PIWIL3: variants seen among roughly 807,000 people sequenced by gnomAD.
PIWIL3 encodes the protein piwi-like protein 3.
In PIWIL3, 101 loss-of-function variants were observed where a neutral mutation model predicts 109.7. That is an observed-to-expected ratio of 0.92 (90% CI 0.78 to 1.09). The LOEUF is 1.09. Among genes scored for constraint, PIWIL3 ranks in the 50% least tolerant of loss-of-function variants. The pLI is 0.00. For synonymous variants in PIWIL3, 373 were observed against 376.4 expected, an observed-to-expected ratio of 0.99 and a Z score of 0.10; for missense variants, 1,031 against 1,072.6, an observed-to-expected ratio of 0.96 and a Z score of 0.54.
intron 14 of PIWIL3, among the ~76,000 whole-genome samples, chr22:24,729,713 T>C (rs1213108357): frequency 2.0e-5 from 3 of 152,252 alleles, no homozygotes; most frequent in Non-Finnish European, 2.9e-5. Flanking sequence ...TCTTATTCTA[T>C]ACTGTTTTTC....
intron 14 of PIWIL3, among the ~76,000 whole-genome samples, chr22:24,732,998 A>G (rs1056869616): frequency 6.6e-6 from 1 of 152,214 alleles, no homozygotes; most frequent in African/African-American, 2.4e-5. Flanking sequence ...AGAGGGGGCC[A>G]GGAAAGAATA....
rs1043284328 is a variant in PIWIL3, at chr22:24,749,741, T to C, written c.1168A>G (p.Thr390Ala). Residue 390 changes from threonine to alanine, a missense_variant, in exon 10 of 21, where the codon ACA becomes GCA. Physicochemically the swap from Thr to Ala is moderately conservative, Grantham distance 58. Transcript: ENST00000616349. The part of the protein sequence containing the change: ...QGRWKKGLTG[T>A]QREPILLIPQ... Reference sequence around the variant, plus strand: ...ATCAGCAGGATAGGTTCACGTTGTGTACCCGTTAGGCCCTTTTTCCATCTG... The same window carrying C: ...ATCAGCAGGATAGGTTCACGTTGTGCACCCGTTAGGCCCTTTTTCCATCTG... 1 of 1,613,690 alleles carries C rather than the reference T, an allele frequency of 6.2e-7. No homozygotes were observed. Among genetic ancestry groups the C allele is most frequent in the Non-Finnish European group, 8.5e-7 (1 of 1,179,902 alleles).
At chr22:24,771,056 C>T (rs891068123) in intron 1 of PIWIL3, among the ~76,000 whole-genome samples, 1 of 152,024 alleles carries the variant, frequency 6.6e-6, no homozygotes, top group African/African-American at 2.4e-5. Context: ...ACCACCCCTG[C>T]GTGCTCCCCA....
chr22:24,725,033 G>A lies in PIWIL3; in HGVS notation c.2085C>T (p.Ala695=). The change falls in exon 18 of 21, where the codon GCC becomes GCT. Residue 695 remains alanine (A), a synonymous_variant. Transcript: ENST00000616349. ...ATTCGTTTTTACACCAGACATCCAG[G>A]GCAGCTAAGAGGAAATCAGAAAAAG... The part of the protein sequence containing the change: ...VKELEICLKA[A]LDVWCKNESS... 6.2e-7 allele frequency: 1 copy of A among 1,614,014 alleles called. No individual in the cohort carries two copies. Among genetic ancestry groups the A allele is most frequent in the Non-Finnish European group, 8.5e-7 (1 of 1,179,964 alleles).
chr22:24,751,406 T>C lies in PIWIL3; in HGVS notation c.1070A>G (p.Tyr357Cys), dbSNP rs1337790325. 1 of 1,613,754 alleles carries C rather than the reference T, an allele frequency of 6.2e-7. No homozygotes were observed. Among genetic ancestry groups the C allele is most frequent in the Non-Finnish European group, 8.5e-7 (1 of 1,179,926 alleles). Reference sequence around the variant, plus strand: ...TCATACCTGCCTGTAGTAGTCTATATAGGTGATTTTGCTGCCATCTGATTT... The same window carrying C: ...TCATACCTGCCTGTAGTAGTCTATACAGGTGATTTTGCTGCCATCTGATTT... ...FNKSDGSKITYIDYYRQQHKE... is the reference protein window; with the variant it reads ...FNKSDGSKITCIDYYRQQHKE... Residue 357 changes from tyrosine (Y) to cysteine (C), a missense_variant, in exon 9 of 21, where the codon TAT becomes TGT. Transcript: ENST00000616349.
In PIWIL3 at chr22:24,762,470, T is replaced by G. The variant is rs775980190; in HGVS notation, c.30A>C (p.Arg10=). The G allele has an allele frequency of 6.2e-7, 1 of 1,613,882 alleles. No individual in the cohort carries two copies. Among genetic ancestry groups the G allele is most frequent in the East Asian group, 2.2e-5 (1 of 44,872 alleles). ...AGCTCTCCCTGCGGCGGGCTCTGCC[T>G]CGGGCGCGAGTCCTTGCCCTACCAG... MPGRARTRA[R]GRARRRESYQ... The change falls in exon 2 of 21, where the codon CGA becomes CGC. Residue 10 remains arginine, a synonymous_variant. Coordinates refer to ENST00000616349, the MANE Select transcript of PIWIL3 (RefSeq NM_001255975.1).
intron 12 of PIWIL3, among the ~76,000 whole-genome samples, chr22:24,747,389 A>G (rs1924435438): frequency 6.6e-6 from 1 of 152,166 alleles, no homozygotes; most frequent in African/African-American, 2.4e-5. Context: ...CCAGGACATT[A>G]GAGTGAGCAA....
chr22:24,748,165 A>G (rs1246033263), intron 12 of PIWIL3, among the ~76,000 whole-genome samples: 1 of 152,182 alleles, frequency 6.6e-6, no homozygotes, highest in East Asian at 1.9e-4. Flanking sequence ...TGTTAAATGA[A>G]ATTAGCCAGG....
At chr22:24,757,098 A>AAAAAAAAAAG (rs1555912998) in intron 4 of PIWIL3, among the ~76,000 whole-genome samples, 1 of 146,442 alleles carries the variant, frequency 6.8e-6, no homozygotes, top group African/African-American at 2.6e-5. Context: ...AAAAAAAAAA[A>AAAAAAAAAAG]AAAAGAAAAG....
At chr22:24,722,815 A>T (rs951888288) in intron 19 of PIWIL3, among the ~76,000 whole-genome samples, 3 of 152,196 alleles carry the variant, frequency 2.0e-5, no homozygotes, top group Non-Finnish European at 4.4e-5. Flanking sequence ...ATGACTCCAA[A>T]TTGTCAATAT....
At position 24,724,922 on chromosome 22, in the gene PIWIL3, C is replaced by T. The variant is rs1484559457; in HGVS notation, c.2196G>A (p.Lys732=). 1 of 1,614,098 alleles carries T rather than the reference C, an allele frequency of 6.2e-7. No individual in the cohort carries two copies. The highest frequency in any genetic ancestry group is 1.1e-5 in the South Asian group (1 of 91,076). The change falls in exon 18 of 21, where the codon AAG becomes AAA. Residue 732 remains lysine (K), a synonymous_variant. Coordinates refer to ENST00000616349, the MANE Select transcript of PIWIL3 (RefSeq NM_001255975.1). ...LQALLDHEAK[K]MSTYLKTISP... ...AGATGGTTTTTAAGTAGGTCGACATCTTTTTCGCTTCATGGTCAAGCAATG... is the reference window on the plus strand; with the variant it reads ...AGATGGTTTTTAAGTAGGTCGACATTTTTTTCGCTTCATGGTCAAGCAATG...
At chr22:24,724,261 T>C (rs1009320529) in intron 18 of PIWIL3, among the ~76,000 whole-genome samples, 3 of 151,218 alleles carry the variant, frequency 2.0e-5, no homozygotes, top group Non-Finnish European at 4.4e-5. Context: ...TTTTTTTTTT[T>C]CAAAGACTAA....
chr22:24,767,015 C>T (rs1040363708), intron 1 of PIWIL3, among the ~76,000 whole-genome samples: 11 of 151,876 alleles, frequency 7.2e-5, no homozygotes, highest in African/African-American at 2.4e-4. Flanking sequence ...CACCTGTAGT[C>T]CCTGGTGCTT....
At chr22:24,745,717 G>GAAAAAAAAAAAAAAAAAAAAAAAAA (rs71189273) in intron 12 of PIWIL3, among the ~76,000 whole-genome samples, 4 of 80,244 alleles carry the variant, frequency 5.0e-5, no homozygotes, top group Admixed American at 1.4e-4. Flanking sequence ...GTCAGACTAA[G>GAAAAAAAAAAAAAAAAAAAAAAAAA]AAAAAAAAAA....
intron 19 of PIWIL3, among the ~76,000 whole-genome samples, chr22:24,722,318 G>A (rs1222636054): frequency 3.3e-5 from 5 of 152,208 alleles, no homozygotes; most frequent in African/African-American, 4.8e-5. Context: ...TCTGGACCTC[G>A]TGATCTGCCC....
chr22:24,733,956 T>C (rs1923501505), intron 14 of PIWIL3, 128 bp downstream of exon 14: 2 of 912,246 alleles, frequency 2.2e-6, no homozygotes, highest in Non-Finnish European at 3.1e-6. Flanking sequence ...ATTCAGCTAA[T>C]AGCAGGTTAA....
chr22:24,739,734 A>C (rs1286688288), intron 12 of PIWIL3, among the ~76,000 whole-genome samples: 2 of 152,156 alleles, frequency 1.3e-5, no homozygotes, highest in African/African-American at 4.8e-5. Context: ...GAGCAATAGG[A>C]ATTCATCTGA....
At chr22:24,727,747 T>C (rs1923082116) in intron 16 of PIWIL3, among the ~76,000 whole-genome samples, 1 of 152,180 alleles carries the variant, frequency 6.6e-6, no homozygotes, top group Non-Finnish European at 1.5e-5. Context: ...TAGGCAGCAA[T>C]GGAAAATGAT....
chr22:24,764,723 A>C (rs1925687771), intron 1 of PIWIL3, among the ~76,000 whole-genome samples: 1 of 149,488 alleles, frequency 6.7e-6, no homozygotes, highest in Non-Finnish European at 1.5e-5. Flanking sequence ...TGCAATCTCC[A>C]CTCACTGCAA....
Sources: allele counts gnomAD v4.1 joint callset (sites outside exome capture counted in the v4.1 genomes callset), GRCh38; gene constraint gnomAD v4.1.1; transcripts MANE v1.5; gene names NCBI Gene and HGNC (gene_info 2026-07-23, HGNC 2026-07-21).